VWCE: variants seen among roughly 807,000 people sequenced by gnomAD.
VWCE encodes the protein von Willebrand factor C and EGF domains.
Under a neutral mutation model 102.9 loss-of-function variants are expected in VWCE, and 68 were observed. That is an observed-to-expected ratio of 0.66 (90% CI 0.54 to 0.81). VWCE has a LOEUF of 0.81. Ranked by LOEUF, VWCE falls within the 30% of genes least tolerant of loss-of-function variation. The probability of loss-of-function intolerance (pLI) is 0.00; values close to 1 mark genes in which losing one functional copy is unlikely to be tolerated. For missense variants in VWCE, 1,137 were observed against 1,263.6 expected (o/e 0.90, Z 1.52); for synonymous variants, 497 against 515.4 (o/e 0.96, Z 0.48).
At chr11:61,259,397 C>G in intron 19 of VWCE, 85 bp from the exon 20 acceptor site, 1 of 1,483,956 alleles carries the variant, frequency 6.7e-7, no homozygotes. Flanking sequence ...CCAGGGACAC[C>G]CAAGCTCTGT....
chr11:61,292,078 C>T (rs151279158), intron 1 of VWCE, among the ~76,000 whole-genome samples: 8 of 152,300 alleles, frequency 5.3e-5, no homozygotes, highest in Non-Finnish European at 1.2e-4. Context: ...CAAAAACTAG[C>T]TGGGCATGGT....
At chr11:61,271,787 G>C (rs1165253858) in intron 13 of VWCE, 27 bp from the exon 14 acceptor site, 1 of 1,603,794 alleles carries the variant, frequency 6.2e-7, no homozygotes, top group Non-Finnish European at 8.5e-7. Context: ...GCAGAGAAAA[G>C]ACGGCACAAG....
chr11:61,285,275 G>C (rs1432304856), intron 5 of VWCE, among the ~76,000 whole-genome samples: 1 of 152,166 alleles, frequency 6.6e-6, no homozygotes, highest in African/African-American at 2.4e-5. Context: ...TTATGAAAAT[G>C]TCAAACATAA....
chr11:61,269,247 T>C (rs1389541536), intron 14 of VWCE: 4 of 539,344 alleles, frequency 7.4e-6, no homozygotes, highest in South Asian at 2.1e-5. Flanking sequence ...AAGGTCAGGG[T>C]TGGGATTCTG....
chr11:61,289,881 T>A (rs1414841065), intron 4 of VWCE, among the ~76,000 whole-genome samples: 1 of 152,244 alleles, frequency 6.6e-6, no homozygotes, highest in African/African-American at 2.4e-5. Context: ...GAAATATTAC[T>A]TTTACGAAGT....
chr11:61,283,105 C>T (rs1475810274), intron 5 of VWCE, among the ~76,000 whole-genome samples, 200 bp from the exon 6 acceptor site: 4 of 152,306 alleles, frequency 2.6e-5, no homozygotes, highest in African/African-American at 9.6e-5. Flanking sequence ...CTCACTGCTA[C>T]CCCTTAGCCC....
At chr11:61,268,783 C>A (rs1309463652) in intron 15 of VWCE, 139 bp downstream of exon 15, 2 of 795,352 alleles carry the variant, frequency 2.5e-6, no homozygotes, top group Non-Finnish European at 4.0e-6. Context: ...AACTGTTCTA[C>A]CTCAGTTTCC....
chr11:61,281,981 C>T (rs910518864), intron 6 of VWCE, 67 bp from the exon 7 acceptor site: 7 of 1,566,616 alleles, frequency 4.5e-6, no homozygotes, highest in Non-Finnish European at 5.2e-6. Flanking sequence ...CCGCCCATCC[C>T]TTAGCTCAAA....
Position 61,267,494 on chromosome 11 carries a change from C to G in VWCE, c.1933G>C (p.Val645Leu), listed in dbSNP as rs1854548385. ...ATGCAGCTCAGACATGGGTCCAGCA[C>G]AGACGGGAAGGTCTCGTTGTTATAG... ...IFYNNETFPS[V>L]LDPCLSCICL... Residue 645 changes from valine to leucine, a missense_variant, in exon 16 of 20, where the codon GTG (valine) becomes CTG (leucine). By Grantham distance (32) the Val-to-Leu change is conservative. Coordinates refer to ENST00000335613, the MANE Select transcript of VWCE (RefSeq NM_152718.2). 6.2e-7 allele frequency: 1 copy of G among 1,614,034 alleles called. No homozygotes were observed. Among genetic ancestry groups the G allele is most frequent in the Non-Finnish European group, 8.5e-7 (1 of 1,180,026 alleles).
At chr11:61,286,260 A>G in intron 5 of VWCE, 54 bp downstream of exon 5, 1 of 1,535,500 alleles carries the variant, frequency 6.5e-7, no homozygotes, top group East Asian at 2.2e-5. Flanking sequence ...TGAGTGTTCA[A>G]TGTGGCATCC....
chr11:61,279,101 G>T (rs1855029831), intron 9 of VWCE, among the ~76,000 whole-genome samples: 1 of 151,648 alleles, frequency 6.6e-6, no homozygotes, highest in Admixed American at 6.6e-5. Flanking sequence ...TAACCAGCGT[G>T]TCCCTGGACA....
In VWCE at chr11:61,259,002, C is replaced by T; in HGVS notation, c.2541G>A (p.Gly847=). The change falls in exon 20 of 20, where the codon GGG becomes GGA. Residue 847 remains glycine (G), a synonymous_variant. Transcript: ENST00000335613. ...EPGASPRLSP[G]PSTPPGAPTL... ...TGGGGGCTCCTGGAGGGGTCGAAGGCCCTGGTGAGAGTCGAGGGGAGGCCC... is the reference window on the plus strand; with the variant it reads ...TGGGGGCTCCTGGAGGGGTCGAAGGTCCTGGTGAGAGTCGAGGGGAGGCCC... 6.2e-7 allele frequency: 1 copy of T among 1,613,074 alleles called. No homozygotes were observed. Among genetic ancestry groups the T allele is most frequent in the Non-Finnish European group, 8.5e-7 (1 of 1,179,558 alleles).
Position 61,294,368 on chromosome 11 carries a change from G to A in VWCE, c.110+560C>T, listed in dbSNP as rs1486996628. Among the ~76,000 whole-genome samples the A allele has an allele frequency of 6.6e-6, 1 of 152,242 alleles. No individual in the cohort carries two copies. The highest frequency in any genetic ancestry group is 1.5e-5 in the Non-Finnish European group (1 of 68,036). ...CGCGCACGGCCCCACCGCGGCCCGG[G>A]GGAAAGCACGTGCGGAGGGCGGCAT... On this transcript the variant is annotated intron_variant, in intron 1 of 19. Transcript: ENST00000335613. The surrounding 1 kb of genome is among the most constrained non-coding windows in gnomAD (Gnocchi z 6.3).
rs1464475719 is a variant in VWCE, at chr11:61,294,322, G to A, written c.110+606C>T. On this transcript the variant is annotated intron_variant, in intron 1 of 19. Transcript: ENST00000335613. This position sits in a 1 kb window ranked among gnomAD's most constrained non-coding sequence, Gnocchi z 6.3. ...CCGCCTGCTGACACAGTGTTCCCTA[G>A]CTCCGAGCATCACGCACACACGCGC... Among the ~76,000 whole-genome samples, 1 of 152,232 alleles carries A rather than the reference G, an allele frequency of 6.6e-6. No homozygotes were observed. The highest frequency in any genetic ancestry group is 2.4e-5 in the African/African-American group (1 of 41,468).
At chr11:61,291,228 A>C (rs756924107) in intron 3 of VWCE, 36 bp downstream of exon 3, 4 of 1,521,966 alleles carry the variant, frequency 2.6e-6, no homozygotes, top group Non-Finnish European at 3.5e-6. Context: ...ATGCTCATTC[A>C]TCTGTTCCCA....
At position 61,258,809 on chromosome 11, in the gene VWCE, G is replaced by C. The variant is rs767170704; in HGVS notation, c.2734C>G (p.Pro912Ala). Residue 912 changes from proline (P) to alanine (A), a missense_variant, in exon 20 of 20, where the codon CCC (proline) becomes GCC (alanine). Physicochemically the swap from Pro to Ala is conservative, Grantham distance 27. Transcript: ENST00000335613. ...ACGCGAGGCCCGAGGAGGGTGATGG[G>C]GGTCTTCGAGGGGCTGGGGTCCATC... ...SMMDPSPSKTPITLLGPRVLS... is the reference protein window; with the variant it reads ...SMMDPSPSKTAITLLGPRVLS... 35 of 1,505,174 alleles carry C rather than the reference G, an allele frequency of 2.3e-5. No homozygotes were observed. The highest frequency in any genetic ancestry group is 3.1e-5 in the Non-Finnish European group (35 of 1,128,700). 93.2% of individuals were successfully genotyped at this position (1,505,174 alleles called of 1,614,324 possible).
rs767438018 is a variant in VWCE, at chr11:61,274,544, A to C, written c.1536T>G (p.Ala512=). ...YFHGRWYADG[A]VFSGGGDECT... is the part of the protein sequence containing the mutation. ...ACTCGTCACCACCCCCACTGAACAC[A>C]GCCCCGTCTGCGTACCACCGGCCGT... is the stretch of plus-strand genomic sequence containing the variant. Residue 512 remains alanine (A), a synonymous_variant, in exon 12 of 20, where the codon GCT becomes GCG. Coordinates refer to ENST00000335613, the MANE Select transcript of VWCE (RefSeq NM_152718.2). The C allele has an allele frequency of 5.8e-5, 93 of 1,613,624 alleles. No homozygotes were observed. Among genetic ancestry groups the C allele is most frequent in the Non-Finnish European group, 7.8e-5 (92 of 1,179,926 alleles).
In VWCE at chr11:61,291,534, A is replaced by G; in HGVS notation, c.153T>C (p.Ser51=). The part of the protein sequence containing the change: ...GPHVCLSGFG[S]GCCPGWAPSM... Reference sequence around the variant, plus strand: ...AGGGCGCCCAGCCAGGGCAGCAGCCACTCCCAAACCCAGAGAGGCAGACGT... The same window carrying G: ...AGGGCGCCCAGCCAGGGCAGCAGCCGCTCCCAAACCCAGAGAGGCAGACGT... The change falls in exon 2 of 20, where the codon AGT becomes AGC. Residue 51 remains serine (S), a synonymous_variant. Transcript: ENST00000335613. The G allele has an allele frequency of 6.7e-7, 1 of 1,496,356 alleles. No individual in the cohort carries two copies. The highest frequency in any genetic ancestry group is 9.0e-7 in the Non-Finnish European group (1 of 1,116,974). 92.7% of individuals were successfully genotyped at this position (1,496,356 alleles called of 1,614,324 possible). A position where few individuals can be genotyped will look rare whatever the true frequency, so the allele number is the denominator to read the frequency against.
chr11:61,260,290 G>T (rs530939677), intron 19 of VWCE, among the ~76,000 whole-genome samples: 1 of 152,056 alleles, frequency 6.6e-6, no homozygotes, highest in South Asian at 2.1e-4. Context: ...TTTGGGGTGG[G>T]GGGGACAGGT....
Sources: allele counts gnomAD v4.1 joint callset (sites outside exome capture counted in the v4.1 genomes callset), GRCh38; gene constraint gnomAD v4.1.1; non-coding constraint Gnocchi (gnomAD v3.1); transcripts MANE v1.5; gene names NCBI Gene and HGNC (gene_info 2026-07-23, HGNC 2026-07-21).